Variants in AHCTF1 observed in about 807,000 individuals in gnomAD.
AHCTF1 encodes AT-hook containing transcription factor 1.
AHCTF1 carries 24 observed loss-of-function variants against 248.4 expected under a neutral mutation model. The ratio of observed to expected loss-of-function variants is 0.10; its 90% CI spans 0.07 to 0.14. AHCTF1 has a LOEUF of 0.14. AHCTF1 is among the 10% of genes least tolerant of loss of function. The probability of loss-of-function intolerance (pLI) is 1.00; values close to 1 mark genes in which losing one functional copy is unlikely to be tolerated. For synonymous variants in AHCTF1, 786 were observed against 929.8 expected (o/e 0.85, Z 2.81); for missense variants, 2,206 against 2,636.2 (o/e 0.84, Z 3.57).
chr1:246,900,618 G>T, intron 8 of AHCTF1, 149 bp from the exon 9 acceptor site: 2 of 876,178 alleles, frequency 2.3e-6, no homozygotes, highest in Non-Finnish European at 3.4e-6. Context: ...TCATTTGTAT[G>T]TAAGACCAGA....
At chr1:246,852,881 G>A (rs1015678998) in intron 32 of AHCTF1, among the ~76,000 whole-genome samples, 2 of 152,050 alleles carry the variant, frequency 1.3e-5, no homozygotes, top group African/African-American at 2.4e-5. Context: ...ACCCGCCACA[G>A]CACCCACCTC....
chr1:246,853,402 T>C, intron 31 of AHCTF1, 103 bp from the exon 32 acceptor site: 1 of 878,326 alleles, frequency 1.1e-6, no homozygotes, highest in Non-Finnish European at 1.7e-6. Context: ...TTGAATAGTG[T>C]ATTAATAAAC....
At position 246,913,226 on chromosome 1, in the gene AHCTF1, G is replaced by C; in HGVS notation, c.556+6C>G. The stretch of plus-strand genomic sequence containing the variant: ...CATTTTTGGTTTCAAGTAAAGAACT[G>C]ATTACCTGATGCTTCAACTTCATTT... On this transcript the variant is annotated splice_donor_region_variant and intron_variant, in intron 4 of 35. Coordinates refer to ENST00000648844, the MANE Select transcript of AHCTF1 (RefSeq NM_001323342.2). 2 of 1,585,934 alleles carry C rather than the reference G, an allele frequency of 1.3e-6. No homozygotes were observed. Among genetic ancestry groups the C allele is most frequent in the East Asian group, 2.3e-5 (1 of 44,092 alleles).
At chr1:246,928,434 G>A (rs943994346) in intron 1 of AHCTF1, among the ~76,000 whole-genome samples, 6 of 152,034 alleles carry the variant, frequency 3.9e-5, no homozygotes, top group Non-Finnish European at 7.3e-5. Flanking sequence ...TGGACTAACA[G>A]GTCCTAAATG....
At chr1:246,924,764 A>C (rs928924090) in intron 1 of AHCTF1, among the ~76,000 whole-genome samples, 1 of 152,226 alleles carries the variant, frequency 6.6e-6, no homozygotes, top group Non-Finnish European at 1.5e-5. Flanking sequence ...GTCACCATTA[A>C]GTCACAAAAC....
At chr1:246,877,349 A>G in intron 21 of AHCTF1, 47 bp from the exon 22 acceptor site, 1 of 1,504,994 alleles carries the variant, frequency 6.6e-7, no homozygotes, top group South Asian at 1.4e-5. Context: ...AAGCTATTTA[A>G]ATGTACAAAA....
At chr1:246,848,876 T>G (rs1660485002) in intron 33 of AHCTF1, among the ~76,000 whole-genome samples, 1 of 149,264 alleles carries the variant, frequency 6.7e-6, no homozygotes, top group South Asian at 2.1e-4. Flanking sequence ...CCCCCTACAT[T>G]TTGTTTACCT....
intron 29 of AHCTF1, among the ~76,000 whole-genome samples, chr1:246,858,699 C>A (rs1365882255): frequency 6.6e-6 from 1 of 151,932 alleles, no homozygotes; most frequent in Non-Finnish European, 1.5e-5. Context: ...GTGGCACGTG[C>A]CTGTAATCCC....
At chr1:246,898,621 AACACACACACACAC>A (rs74163703) in intron 11 of AHCTF1, among the ~76,000 whole-genome samples, 3,205 of 147,072 alleles carry the variant, frequency 0.022, 71 homozygotes, top group African/African-American at 0.051. Flanking sequence ...ATCTTGACAA[AACACACACACACAC>A]ACACACACAC....
intron 3 of AHCTF1, among the ~76,000 whole-genome samples, chr1:246,915,691 G>A (rs999982445): frequency 2.0e-5 from 3 of 152,080 alleles, no homozygotes; most frequent in Non-Finnish European, 4.4e-5. Flanking sequence ...TTCATCCTGG[G>A]AATCTAACAT....
chr1:246,850,067 A>G lies in AHCTF1; in HGVS notation c.5939T>C (p.Ile1980Thr). ...AGATCCTACATCTTCAGATGGATTG[A>G]TTTTTCTTGGTCTACCACGTTTTCT... Reference protein sequence around the residue: ...IPRKRGRPRKINPSEDVGSKA... With the variant: ...IPRKRGRPRKTNPSEDVGSKA... The change falls in exon 33 of 36, where the codon ATC becomes ACC. Residue 1980 changes from isoleucine (I) to threonine (T), a missense_variant. Physicochemically the swap from Ile to Thr is moderately conservative, Grantham distance 89 (BLOSUM62 -1). Around this residue, in one of 6 missense-constraint regions of AHCTF1, gnomAD observed 469 missense variants for 470.0 expected, o/e 1.00. Transcript: ENST00000648844. 3 of 1,613,668 alleles carry G rather than the reference A, an allele frequency of 1.9e-6. No homozygotes were observed. Among genetic ancestry groups the G allele is most frequent in the Non-Finnish European group, 2.5e-6 (3 of 1,179,818 alleles).
chr1:246,884,440 GT>G (rs1425689880), intron 21 of AHCTF1, among the ~76,000 whole-genome samples: 1 of 152,160 alleles, frequency 6.6e-6, no homozygotes, highest in African/African-American at 2.4e-5. Flanking sequence ...CACAGAAGTG[GT>G]AATTGGTTCA....
intron 24 of AHCTF1, among the ~76,000 whole-genome samples, chr1:246,869,765 C>T (rs576624513): frequency 6.6e-6 from 1 of 152,212 alleles, no homozygotes; most frequent in East Asian, 1.9e-4. Context: ...TGCCCCTGGT[C>T]ACCCAGGAGC....
intron 35 of AHCTF1, among the ~76,000 whole-genome samples, chr1:246,841,344 G>A (rs1307220621): frequency 5.3e-5 from 8 of 152,154 alleles, no homozygotes; most frequent in African/African-American, 7.2e-5. Flanking sequence ...TGACAGCCCC[G>A]CAGGCCCATG....
At chr1:246,847,867 G>C (rs1192821810) in intron 33 of AHCTF1, among the ~76,000 whole-genome samples, 4 of 152,132 alleles carry the variant, frequency 2.6e-5, no homozygotes, top group Non-Finnish European at 4.4e-5. Flanking sequence ...TCCAGGTCCT[G>C]AGGAGTGTAT....
rs1234544862 is a variant in AHCTF1, at chr1:246,849,888, T to C, written c.6118A>G (p.Met2040Val). The change falls in exon 33 of 36, where the codon ATG becomes GTG. Residue 2040 changes from methionine to valine, a missense_variant. Physicochemically the swap from Met to Val is conservative, Grantham distance 21. Transcript: ENST00000648844. The stretch of plus-strand genomic sequence containing the variant: ...AGTTTTTTCTTAGAGCTCATCACCA[T>C]CGAAAGTTCCTCGTTTGGCACTAAA... ...SILVPNEELS[M>V]VMSSKKKLTK... 3.1e-6 allele frequency: 5 copies of C among 1,613,850 alleles called. No individual in the cohort carries two copies. The South Asian group carries it at 5.5e-5, about 18-fold the overall frequency.
intron 5 of AHCTF1, among the ~76,000 whole-genome samples, chr1:246,906,521 G>A (rs1665404916): frequency 6.6e-6 from 1 of 152,126 alleles, no homozygotes; most frequent in Non-Finnish European, 1.5e-5. Flanking sequence ...AGTGGAGGTT[G>A]CAGTGAGCCA....
chr1:246,918,197 ATTT>A, intron 2 of AHCTF1, 50 bp downstream of exon 2: 1 of 1,502,922 alleles, frequency 6.7e-7, no homozygotes, highest in Non-Finnish European at 8.9e-7. Flanking sequence ...ACTTATTATT[ATTT>A]ATCTTACAAA....
intron 30 of AHCTF1, among the ~76,000 whole-genome samples, chr1:246,856,338 C>T (rs1389884804): frequency 6.6e-6 from 1 of 152,170 alleles, no homozygotes; most frequent in African/African-American, 2.4e-5. Flanking sequence ...TCTAATCTGA[C>T]CTTTCTCAAA....
Sources: allele counts gnomAD v4.1 joint callset (sites outside exome capture counted in the v4.1 genomes callset), GRCh38; gene constraint gnomAD v4.1.1; regional missense constraint gnomAD v4.1.1; transcripts MANE v1.5; gene names NCBI Gene and HGNC (gene_info 2026-07-23, HGNC 2026-07-21).